POC1A: variants seen among roughly 807,000 people sequenced by gnomAD.
POC1A encodes the protein POC1 centriolar protein A.
A neutral mutation model predicts 47.8 loss-of-function variants in POC1A; 34 were observed. The observed-to-expected ratio is 0.71, with a 90% CI of 0.54 to 0.95. POC1A has a LOEUF of 0.95. Among genes scored for constraint, POC1A ranks in the 40% least tolerant of loss-of-function variants. POC1A has a pLI of 0.00. For synonymous variants in POC1A, 177 were observed against 207.6 expected (o/e 0.85, Z 1.27); for missense variants, 466 against 528.3 (o/e 0.88, Z 1.16).
chr3:52,119,121 C>G (rs903433713), intron 9 of POC1A, among the ~76,000 whole-genome samples: 12 of 152,022 alleles, frequency 7.9e-5, no homozygotes, highest in African/African-American at 2.9e-4. Flanking sequence ...ATTGCTGCTG[C>G]TGGTGGAAGC....
intron 7 of POC1A, 81 bp from the exon 8 acceptor site, chr3:52,125,262 G>T: frequency 1.7e-6 from 2 of 1,166,644 alleles, no homozygotes; most frequent in South Asian, 1.3e-5. Context: ...AGACGTTCTT[G>T]AATGAAAGCA....
intron 9 of POC1A, among the ~76,000 whole-genome samples, chr3:52,118,712 G>GC (rs1420662104): frequency 6.6e-6 from 1 of 152,228 alleles, no homozygotes; most frequent in Non-Finnish European, 1.5e-5. Context: ...ACCTACACCT[G>GC]CCCGATGGGC....
At chr3:52,113,274 C>T (rs1225666657) in intron 9 of POC1A, among the ~76,000 whole-genome samples, 1 of 152,222 alleles carries the variant, frequency 6.6e-6, no homozygotes, top group African/African-American at 2.4e-5. Flanking sequence ...GGAGCTGGGA[C>T]CCTGCCCTGG....
At chr3:52,098,203 C>T (rs1577831154) in intron 9 of POC1A, among the ~76,000 whole-genome samples, 2 of 152,310 alleles carry the variant, frequency 1.3e-5, no homozygotes, top group South Asian at 4.2e-4. Context: ...GTGCTGTGCC[C>T]ACTCCTTCCA....
In POC1A at chr3:52,100,996, C is replaced by G. The variant is rs1426898178; in HGVS notation, c.982-4284G>C. ...TCCTTTGAATGAGGAAGGAGCAGGA[C>G]CGCTAAGAATGTCTCACTTTTGAGA... On this transcript the variant is annotated intron_variant, in intron 9 of 10. Transcript: ENST00000296484. 5.3e-5 allele frequency among the ~76,000 whole-genome samples: 8 copies of G among 151,706 alleles called. No homozygotes were observed. In the East Asian group the frequency reaches 1.6e-3, roughly 29 times the overall value.
intron 9 of POC1A, among the ~76,000 whole-genome samples, chr3:52,115,260 C>T (rs770842642): frequency 3.9e-5 from 6 of 152,020 alleles, no homozygotes; most frequent in South Asian, 2.1e-4. Flanking sequence ...AGATTACAGG[C>T]GTGAGTCACT....
At chr3:52,095,454 G>A (rs576903310) in intron 10 of POC1A, among the ~76,000 whole-genome samples, 1 of 152,334 alleles carries the variant, frequency 6.6e-6, no homozygotes, top group African/African-American at 2.4e-5. Flanking sequence ...CTCCATTTCC[G>A]TTAGTGACAT....
At chr3:52,089,505 CACA>C (rs965518059) in intron 10 of POC1A, among the ~76,000 whole-genome samples, 4 of 152,130 alleles carry the variant, frequency 2.6e-5, no homozygotes, top group African/African-American at 4.8e-5. Context: ...CATGAAGGTC[CACA>C]ACAAGGAGGG....
intron 9 of POC1A, among the ~76,000 whole-genome samples, chr3:52,120,547 C>A (rs1703741891): frequency 6.6e-6 from 1 of 152,236 alleles, no homozygotes; most frequent in Non-Finnish European, 1.5e-5. Context: ...TATTCAGGTA[C>A]TATGTGGAAA....
chr3:52,103,025 G>A (rs1443058161), intron 9 of POC1A, among the ~76,000 whole-genome samples: 1 of 152,180 alleles, frequency 6.6e-6, no homozygotes, highest in Non-Finnish European at 1.5e-5. Context: ...TACATTAATG[G>A]AACAAAGAGA....
rs905413906 is a variant in POC1A, at chr3:52,091,582, G to A, written c.1125+4987C>T. Among the ~76,000 whole-genome samples, 16 of 152,074 alleles carry A rather than the reference G, an allele frequency of 1.1e-4. No individual in the cohort carries two copies. In the East Asian group the frequency reaches 1.2e-3, roughly 11 times the overall value. On this transcript the variant is annotated intron_variant, in intron 10 of 10. Coordinates refer to ENST00000296484, the MANE Select transcript of POC1A (RefSeq NM_015426.5). The stretch of plus-strand genomic sequence containing the variant: ...CACCTCCTGTGCCCTCCTCCTTCCC[G>A]GGGTTGGGGAATGACTTCTTTCTCC...
intron 6 of POC1A, among the ~76,000 whole-genome samples, chr3:52,138,798 C>A (rs1016760209): frequency 1.1e-4 from 16 of 152,300 alleles, no homozygotes; most frequent in African/African-American, 3.9e-4. Context: ...AGCAGTCAGG[C>A]CTGCATTCGG....
chr3:52,122,304 C>G, intron 9 of POC1A, 75 bp downstream of exon 9: 1 of 846,002 alleles, frequency 1.2e-6, no homozygotes, highest in Non-Finnish European at 2.0e-6. Context: ...TCACCGTCTC[C>G]AAGCCCAGAG....
At chr3:52,131,341 G>A (rs1302888885) in intron 7 of POC1A, among the ~76,000 whole-genome samples, 1 of 152,162 alleles carries the variant, frequency 6.6e-6, no homozygotes, top group African/African-American at 2.4e-5. Context: ...TCCCTCTCCT[G>A]ACCAGTGTTC....
At chr3:52,139,637 A>G (rs1038137349) in intron 6 of POC1A, among the ~76,000 whole-genome samples, 2 of 152,108 alleles carry the variant, frequency 1.3e-5, no homozygotes, top group African/African-American at 4.8e-5. Flanking sequence ...TTCACTCTTC[A>G]CATTCACATG....
chr3:52,082,264 G>A (rs1368160683), intron 10 of POC1A, among the ~76,000 whole-genome samples: 3 of 152,194 alleles, frequency 2.0e-5, no homozygotes, highest in Admixed American at 1.3e-4. Flanking sequence ...GGAGCTGAGG[G>A]CCTTGGCAGG....
intron 9 of POC1A, among the ~76,000 whole-genome samples, chr3:52,103,969 C>T (rs1467631462): frequency 6.6e-6 from 1 of 152,184 alleles, no homozygotes; most frequent in Non-Finnish European, 1.5e-5. Flanking sequence ...TATTATATGT[C>T]CCAGCCATTC....
chr3:52,150,666 A>G (rs1038889422), intron 2 of POC1A, among the ~76,000 whole-genome samples: 4 of 152,144 alleles, frequency 2.6e-5, no homozygotes, highest in African/African-American at 9.7e-5. Flanking sequence ...TGTGGGCAAC[A>G]GAATCAGTAA....
rs369775826 is a variant in POC1A at position 52,125,268 on chromosome 3, A to AAGC, written c.814-90_814-88dup. On this transcript the variant is annotated intron_variant, in intron 7 of 10. Coordinates refer to ENST00000296484, the MANE Select transcript of POC1A (RefSeq NM_015426.5). ...AAGAAAACGAGACGTTCTTGAATGA[A>AAGC]AGCAGCAGCAGGATAAAGGACCGAG... 2.2e-4 allele frequency: 250 copies of AAGC among 1,117,844 alleles called. 2 individuals are homozygous for AAGC. The African/African-American group carries it at 3.5e-3, about 16-fold the overall frequency. 69.2% of individuals were successfully genotyped at this position (1,117,844 alleles called of 1,614,324 possible). A position where few individuals can be genotyped will look rare whatever the true frequency, so the allele number is the denominator to read the frequency against.
Sources: gnomAD v4.1 joint callset for allele counts (sites outside exome capture counted in the v4.1 genomes callset) on GRCh38, gnomAD v4.1.1 for gene constraint, MANE v1.5 for transcripts, NCBI Gene and HGNC (gene_info 2026-07-23, HGNC 2026-07-21) for gene names.